ATXN8OS: variants seen among roughly 807,000 people sequenced by gnomAD.
ATXN8OS encodes ATXN8 opposite strand (non-protein coding).
At chr13:70,122,406 C>G (rs576930025) in intron 2 of ATXN8OS, among the ~76,000 whole-genome samples, 1 of 151,908 alleles carries the variant, frequency 6.6e-6, no homozygotes, top group Non-Finnish European at 1.5e-5. Flanking sequence ...AGTTATACAG[C>G]TCTAAATAAA....
chr13:70,128,125 C>T (rs752872651), intron 2 of ATXN8OS, among the ~76,000 whole-genome samples: 2 of 151,768 alleles, frequency 1.3e-5, no homozygotes, highest in African/African-American at 4.8e-5. Context: ...GAAAAATAAC[C>T]TTTTGTCATA....
At chr13:70,123,556 T>C (rs564547963) in intron 2 of ATXN8OS, among the ~76,000 whole-genome samples, 9 of 152,128 alleles carry the variant, frequency 5.9e-5, no homozygotes, top group African/African-American at 2.2e-4. Flanking sequence ...ACTGTAACTC[T>C]GCTAAACTTA....
At chr13:70,131,400 CG>C in intron 3 of ATXN8OS, 1 of 398,450 alleles carries the variant, frequency 2.5e-6, no homozygotes, top group South Asian at 1.3e-4. Context: ...GACCGTGACA[CG>C]TATCTGTCTC....
Position 70,146,280 on chromosome 13 carries a change from A to T in ATXN8OS, n.500-1075A>T, listed in dbSNP as rs1425401556. On this transcript the variant is annotated intron_variant and non_coding_transcript_variant, in intron 3 of 4. Coordinates refer to ENST00000678624, the Ensembl canonical transcript of ATXN8OS. Reference sequence around the variant, plus strand: ...CAGGAAACAACAGGTGCTGGAGAGGATGTGGAGAAATAGGAACAGTTTTAC... The same window carrying T: ...CAGGAAACAACAGGTGCTGGAGAGGTTGTGGAGAAATAGGAACAGTTTTAC... Among the ~76,000 whole-genome samples the T allele has an allele frequency of 5.8e-4, 84 of 145,352 alleles. 1 individual carries two copies. The highest frequency in any genetic ancestry group is 4.2e-3 in the East Asian group (20 of 4,756).
intron 1 of ATXN8OS, chr13:70,108,081 G>T: frequency 2.4e-6 from 1 of 416,298 alleles, no homozygotes; most frequent in Non-Finnish European, 4.2e-6. Flanking sequence ...CCGAAGCTCC[G>T]GAGGCGGCTG....
At chr13:70,138,724 C>A (rs568802276) in intron 3 of ATXN8OS, among the ~76,000 whole-genome samples, 1 of 152,026 alleles carries the variant, frequency 6.6e-6, no homozygotes, top group Admixed American at 6.6e-5. Flanking sequence ...TCTATACTTT[C>A]TATATTTATA....
At chr13:70,144,077 G>A (rs1443555544) in intron 3 of ATXN8OS, among the ~76,000 whole-genome samples, 1 of 152,024 alleles carries the variant, frequency 6.6e-6, no homozygotes, top group Non-Finnish European at 1.5e-5. Context: ...CTGTGGTGAA[G>A]CATATAATCC....
Position 70,139,194 on chromosome 13 carries a change from CTG to C in ATXN8OS, n.500-8157_500-8156del, listed in dbSNP as rs147455833. The C allele has an allele frequency of 2.0e-3, 847 of 427,180 alleles. 9 individuals carry two copies. Among genetic ancestry groups the C allele is most frequent in the African/African-American group, 0.016 (789 of 49,618 alleles). The allele number at this position is 427,180 out of a possible 1,614,324, so 26.5% of individuals were successfully genotyped here. On this transcript the variant is annotated intron_variant and non_coding_transcript_variant, in intron 3 of 4. Coordinates refer to ENST00000678624, the Ensembl canonical transcript of ATXN8OS. Reference sequence around the variant, plus strand: ...TTTTACTTCTGAGACATTCTATAGTCTGTGTCTGATATTCTCTACTATTTCCT... The same window carrying C: ...TTTTACTTCTGAGACATTCTATAGTCTGTCTGATATTCTCTACTATTTCCT...
intron 1 of ATXN8OS, chr13:70,108,256 G>A: frequency 2.6e-6 from 1 of 384,134 alleles, no homozygotes; most frequent in Non-Finnish European, 4.6e-6. Context: ...TGGTGCACCT[G>A]CGCCCCTGTC....
exon 5 of ATXN8OS, among the ~76,000 whole-genome samples, chr13:70,170,630 T>TTA: frequency 6.6e-6 from 1 of 152,308 alleles, no homozygotes; most frequent in Admixed American, 6.5e-5. Flanking sequence ...TCCAGAAAGC[T>TTA]GCAGGTTTTT....
chr13:70,144,249 G>C (rs914751423), intron 3 of ATXN8OS, among the ~76,000 whole-genome samples: 1 of 151,916 alleles, frequency 6.6e-6, no homozygotes, highest in Non-Finnish European at 1.5e-5. Flanking sequence ...TTCTCCATCC[G>C]TTTACATTTC....
chr13:70,113,973 C>T (rs939518850), intron 1 of ATXN8OS, among the ~76,000 whole-genome samples: 1 of 152,122 alleles, frequency 6.6e-6, no homozygotes. Flanking sequence ...GAAGTTATAA[C>T]ACCCCAAAAC....
At chr13:70,156,793 G>C (rs1888942956) in intron 4 of ATXN8OS, among the ~76,000 whole-genome samples, 2 of 151,966 alleles carry the variant, frequency 1.3e-5, no homozygotes, top group Admixed American at 6.6e-5. Flanking sequence ...TTATTTCCAA[G>C]GTCTTCAACT....
intron 3 of ATXN8OS, chr13:70,131,551 T>C: frequency 2.5e-6 from 1 of 398,354 alleles, no homozygotes; most frequent in Non-Finnish European, 4.4e-6. Context: ...CCTCAATGCC[T>C]TTGGACTGCT....
intron 1 of ATXN8OS, among the ~76,000 whole-genome samples, chr13:70,110,388 A>C (rs944488272): frequency 6.6e-5 from 10 of 152,174 alleles, no homozygotes; most frequent in Non-Finnish European, 1.5e-4. Flanking sequence ...TTTCGAATTT[A>C]AGAATTAAAT....
At chr13:70,139,371 A>ACTGCTGCTGCTGCTGCTGCTGCTG (rs1566606466) in intron 3 of ATXN8OS, 2 of 643,142 alleles carry the variant, frequency 3.1e-6, no homozygotes, top group African/African-American at 2.5e-5. Flanking sequence ...TACTACTACT[A>ACTGCTGCTGCTGCTGCTGCTGCTG]CTACTACTAC....
chr13:70,130,675 C>T (rs1888519308), intron 3 of ATXN8OS: 1 of 398,330 alleles, frequency 2.5e-6, no homozygotes, highest in Non-Finnish European at 4.4e-6. Flanking sequence ...GTTTCCATTT[C>T]AGATTCAAAC....
chr13:70,129,381 G>C (rs1293430512), intron 2 of ATXN8OS, among the ~76,000 whole-genome samples: 1 of 145,420 alleles, frequency 6.9e-6, no homozygotes, highest in Non-Finnish European at 1.5e-5. Context: ...TTTTCTGTGT[G>C]TGTGTGTGTG....
intron 3 of ATXN8OS, among the ~76,000 whole-genome samples, chr13:70,130,353 A>C (rs1444880201): frequency 6.6e-6 from 1 of 152,168 alleles, no homozygotes; most frequent in Admixed American, 6.6e-5. Context: ...ATATGGAAAA[A>C]TGTTTATCTT....
Sources: gnomAD v4.1 joint callset for allele counts (sites outside exome capture counted in the v4.1 genomes callset) on GRCh38, gnomAD v4.1.1 for gene constraint, MANE v1.5 for transcripts, NCBI Gene and HGNC (gene_info 2026-07-23, HGNC 2026-07-21) for gene names.